Variants in SUFU observed in about 807,000 individuals in gnomAD.
The protein encoded by SUFU is SUFU negative regulator of hedgehog signaling.
In SUFU, 7 loss-of-function variants were observed where a neutral mutation model predicts 58.9. The ratio of observed to expected loss-of-function variants is 0.12; its 90% CI spans 0.07 to 0.22. SUFU has a LOEUF of 0.22. SUFU is among the 10% of genes least tolerant of loss of function. The pLI, the probability that SUFU is intolerant of heterozygous loss-of-function variation, is 1.00. For missense variants in SUFU, 451 were observed against 641.3 expected (o/e 0.70, Z 3.20); for synonymous variants, 232 against 254.8 (o/e 0.91, Z 0.85).
intron 10 of SUFU, chr10:102,618,796 G>A (rs1042005426): frequency 8.0e-5 from 43 of 539,594 alleles, no homozygotes; most frequent in Non-Finnish European, 1.2e-4. Context: ...GCCATGTCCC[G>A]GGCTGCTGCG....
chr10:102,570,925 A>G (rs1202601075), intron 3 of SUFU, among the ~76,000 whole-genome samples: 1 of 152,170 alleles, frequency 6.6e-6, no homozygotes, highest in Non-Finnish European at 1.5e-5. Flanking sequence ...GCAACTGTTT[A>G]ATTTGTACAG....
intron 1 of SUFU, among the ~76,000 whole-genome samples, chr10:102,505,616 G>T (rs992013752): frequency 3.9e-5 from 6 of 152,196 alleles, no homozygotes; most frequent in Non-Finnish European, 8.8e-5. Flanking sequence ...GAGGCCAGCT[G>T]CCCGCATCAA....
chr10:102,545,301 T>TA (rs2062843870), intron 2 of SUFU, among the ~76,000 whole-genome samples: 1 of 149,420 alleles, frequency 6.7e-6, no homozygotes, highest in African/African-American at 2.5e-5. Flanking sequence ...GTATTTTTTT[T>TA]TTTTTTTTTT....
At chr10:102,621,641 ACTGCCATCGTGGGTGCCAGAG>A (rs1406017973) in intron 10 of SUFU, among the ~76,000 whole-genome samples, 1 of 152,038 alleles carries the variant, frequency 6.6e-6, no homozygotes, top group African/African-American at 2.4e-5. Flanking sequence ...TGCCTCCTCC[ACTGCCATCGTGGGTGCCAGAG>A]CAGCTCCTTG....
chr10:102,630,356 C>G lies in SUFU; in HGVS notation c.*201C>G, dbSNP rs546296361. The G allele has an allele frequency of 1.6e-6, 1 of 613,088 alleles. No individual in the cohort carries two copies. The highest frequency in any genetic ancestry group is 2.9e-6 in the Non-Finnish European group (1 of 342,690). 38.0% of individuals were successfully genotyped at this position (613,088 alleles called of 1,614,324 possible). A position where few individuals can be genotyped will look rare whatever the true frequency, so the allele number is the denominator to read the frequency against. On this transcript the variant is annotated 3_prime_UTR_variant, in exon 12 of 12. Transcript: ENST00000369902. ...CACCTCCAGCTCAGGGGCCGCACCC[C>G]GCCGCTGGCTAAGCCTTGTGACCCA...
At chr10:102,589,438 C>CT in intron 3 of SUFU, among the ~76,000 whole-genome samples, 1 of 44,046 alleles carries the variant, frequency 2.3e-5, no homozygotes, top group East Asian at 6.2e-4. Flanking sequence ...TATTTTCTTT[C>CT]TTTCTTTTTT....
chr10:102,569,348 A>G (rs1472413354), intron 3 of SUFU, among the ~76,000 whole-genome samples: 1 of 152,066 alleles, frequency 6.6e-6, no homozygotes, highest in Non-Finnish European at 1.5e-5. Context: ...CAAGTCCGTA[A>G]AATAAGACAC....
intron 10 of SUFU, among the ~76,000 whole-genome samples, chr10:102,622,549 T>C (rs2063748597): frequency 6.6e-6 from 1 of 152,142 alleles, no homozygotes; most frequent in African/African-American, 2.4e-5. Flanking sequence ...GAGACCATCC[T>C]GGCTAACACA....
chr10:102,554,041 A>G (rs557277323), intron 3 of SUFU, among the ~76,000 whole-genome samples: 6 of 152,302 alleles, frequency 3.9e-5, no homozygotes, highest in African/African-American at 1.4e-4. Context: ...GCAGCAGTGA[A>G]TGGTGATTGC....
At position 102,504,047 on chromosome 10, in the gene SUFU, C is replaced by T. The variant is rs907336212; in HGVS notation, c.-106C>T. The T allele has an allele frequency of 1.6e-5, 23 of 1,405,532 alleles. No individual in the cohort carries two copies. In the South Asian group the frequency reaches 3.2e-4, roughly 19 times the overall value. The allele number at this position is 1,405,532 out of a possible 1,614,324, so 87.1% of individuals were successfully genotyped here. A position where few individuals can be genotyped will look rare whatever the true frequency, so the allele number is the denominator to read the frequency against. On this transcript the variant is annotated 5_prime_UTR_variant, in exon 1 of 12. Coordinates refer to ENST00000369902, the MANE Select transcript of SUFU (RefSeq NM_016169.4). The stretch of plus-strand genomic sequence containing the variant: ...CGGAGCTAGACCTCGCTGCAGCCCC[C>T]ATCGCCTCGGGGAGTCTCACCCACC...
At chr10:102,553,870 G>T (rs1436397609) in intron 3 of SUFU, among the ~76,000 whole-genome samples, 1 of 152,206 alleles carries the variant, frequency 6.6e-6, no homozygotes, top group Non-Finnish European at 1.5e-5. Context: ...AAGGTGGGAG[G>T]TTGGCCTAAG....
intron 2 of SUFU, among the ~76,000 whole-genome samples, chr10:102,516,291 C>T (rs2062469533): frequency 1.3e-5 from 2 of 151,744 alleles, no homozygotes; most frequent in Non-Finnish European, 2.9e-5. Context: ...CCAGGCTGGT[C>T]TCAGACTCCT....
chr10:102,562,413 A>T (rs1052537879), intron 3 of SUFU, among the ~76,000 whole-genome samples: 1 of 151,896 alleles, frequency 6.6e-6, no homozygotes, highest in African/African-American at 2.4e-5. Context: ...AGTCCCAGCT[A>T]TCGGGAGGCT....
chr10:102,520,481 A>G (rs10219057), intron 2 of SUFU, among the ~76,000 whole-genome samples: 4 of 151,760 alleles, frequency 2.6e-5, no homozygotes, highest in African/African-American at 7.2e-5. Flanking sequence ...CGGCCTCCCA[A>G]AGTGCTGGGA....
chr10:102,561,791 C>T (rs2063040096), intron 3 of SUFU, among the ~76,000 whole-genome samples: 1 of 151,524 alleles, frequency 6.6e-6, no homozygotes, highest in South Asian at 2.1e-4. Flanking sequence ...ATCTCAGCCT[C>T]CCAAGTAGCT....
rs1382139223 is a variant in SUFU at position 102,525,839 on chromosome 10, A to G, written c.317+16536A>G. ...AATTTTTAGAGCACATTACCTAAATATCCAGTGCTTTCTTAGTGCTGAGGA... is the reference window on the plus strand; with the variant it reads ...AATTTTTAGAGCACATTACCTAAATGTCCAGTGCTTTCTTAGTGCTGAGGA... On this transcript the variant is annotated intron_variant, in intron 2 of 11. Transcript: ENST00000369902. Among the ~76,000 whole-genome samples the G allele has an allele frequency of 2.0e-5, 3 of 152,210 alleles. No individual in the cohort carries two copies. The East Asian group carries it at 5.8e-4, about 29-fold the overall frequency.
chr10:102,506,899 G>A (rs1231164157), intron 1 of SUFU, among the ~76,000 whole-genome samples: 1 of 152,154 alleles, frequency 6.6e-6, no homozygotes, highest in Non-Finnish European at 1.5e-5. Flanking sequence ...CATTCTAACT[G>A]AAAGCTGAGA....
chr10:102,603,939 G>A (rs1404875636), intron 8 of SUFU, among the ~76,000 whole-genome samples: 1 of 152,208 alleles, frequency 6.6e-6, no homozygotes, highest in Non-Finnish European at 1.5e-5. Flanking sequence ...TATCTTGTTT[G>A]CATCCAACTT....
At chr10:102,622,671 T>C (rs1351228201) in intron 10 of SUFU, among the ~76,000 whole-genome samples, 1 of 151,734 alleles carries the variant, frequency 6.6e-6, no homozygotes, top group Non-Finnish European at 1.5e-5. Flanking sequence ...CTCCAGCCCC[T>C]GGCCGGGCCC....
Sources: allele counts gnomAD v4.1 joint callset (sites outside exome capture counted in the v4.1 genomes callset), GRCh38; gene constraint gnomAD v4.1.1; transcripts MANE v1.5; gene names NCBI Gene and HGNC (gene_info 2026-07-23, HGNC 2026-07-21).